ING4: variants seen among roughly 807,000 people sequenced by gnomAD.
The protein encoded by ING4 is inhibitor of growth protein 4.
In ING4, 28 loss-of-function variants were observed where a neutral mutation model predicts 33.1. The ratio of observed to expected loss-of-function variants is 0.85; its 90% CI spans 0.63 to 1.16. The LOEUF (loss-of-function observed/expected upper bound fraction) is 1.16, where lower values mean the gene tolerates loss of function less well. Ranked by LOEUF, ING4 falls within the 50% of genes most tolerant of loss-of-function variation. The pLI, the probability that ING4 is intolerant of heterozygous loss-of-function variation, is 0.00. For synonymous variants in ING4, 87 were observed against 104.4 expected, an observed-to-expected ratio of 0.83 and a Z score of 1.02; for missense variants, 247 against 314.7, an observed-to-expected ratio of 0.78 and a Z score of 1.63.
intron 1 of ING4, among the ~76,000 whole-genome samples, chr12:6,658,259 C>T (rs1489569161): frequency 6.6e-6 from 1 of 151,986 alleles, no homozygotes; most frequent in Non-Finnish European, 1.5e-5. Flanking sequence ...TAAGACGGGC[C>T]CCTTTCTTTT....
intron 1 of ING4, among the ~76,000 whole-genome samples, chr12:6,658,945 T>C (rs1167163533): frequency 1.3e-5 from 2 of 152,184 alleles, no homozygotes; most frequent in African/African-American, 4.8e-5. Context: ...TTCTCTCTAG[T>C]TGGAATGCAC....
chr12:6,660,917 C>A (rs769985900), intron 1 of ING4, among the ~76,000 whole-genome samples: 35 of 151,638 alleles, frequency 2.3e-4, no homozygotes, highest in Non-Finnish European at 4.1e-4. Context: ...CTCAGCCTCC[C>A]AAGTAGCTGG....
At position 6,654,331 on chromosome 12, in the gene ING4, CTTT is replaced by C. The variant is rs1238643921; in HGVS notation, c.110-938_110-936del. On this transcript the variant is annotated intron_variant, in intron 2 of 7. Transcript: ENST00000341550. ...TTATCTTACTGCTCACTCTATTTTT[CTTT>C]TTTTTTTTTTTTGAGACAGGGTCTC... 1.7e-4 allele frequency among the ~76,000 whole-genome samples: 24 copies of C among 138,954 alleles called. No individual in the cohort carries two copies. The South Asian group carries it at 2.5e-3, about 15-fold the overall frequency. The allele number at this position is 138,954 out of a possible 152,430, so 91.2% of individuals were successfully genotyped here.
chr12:6,653,632 T>A (rs554970073), intron 2 of ING4, among the ~76,000 whole-genome samples: 1 of 152,340 alleles, frequency 6.6e-6, no homozygotes, highest in African/African-American at 2.4e-5. Context: ...GAATTTAAAT[T>A]ACTGAAACAC....
At chr12:6,658,977 T>C (rs1438396201) in intron 1 of ING4, among the ~76,000 whole-genome samples, 1 of 152,194 alleles carries the variant, frequency 6.6e-6, no homozygotes, top group Non-Finnish European at 1.5e-5. Flanking sequence ...CCTCATCCCA[T>C]CCACCCCATC....
At chr12:6,655,776 A>G (rs757576765) in intron 2 of ING4, 1 of 456,868 alleles carries the variant, frequency 2.2e-6, no homozygotes, top group Non-Finnish European at 4.3e-6. Flanking sequence ...ACATGGCTAC[A>G]TAGAATGAAG....
intron 1 of ING4, 68 bp downstream of exon 1, chr12:6,662,997 C>CA: frequency 6.6e-7 from 1 of 1,524,734 alleles, no homozygotes. Flanking sequence ...TTAAGGGCTA[C>CA]AGATCCTCTC....
At chr12:6,656,118 A>C (rs1336995046) in intron 2 of ING4, among the ~76,000 whole-genome samples, 1 of 152,162 alleles carries the variant, frequency 6.6e-6, no homozygotes, top group Non-Finnish European at 1.5e-5. Context: ...CATCCTATAA[A>C]TATATCAAAC....
At chr12:6,659,362 C>A (rs1949473661) in intron 1 of ING4, among the ~76,000 whole-genome samples, 2 of 151,910 alleles carry the variant, frequency 1.3e-5, no homozygotes. Context: ...TCAAGACCAG[C>A]CTGGCCAACA....
chr12:6,655,445 G>C (rs553650271), intron 2 of ING4, among the ~76,000 whole-genome samples: 1 of 152,362 alleles, frequency 6.6e-6, no homozygotes, highest in African/African-American at 2.4e-5. Flanking sequence ...AGTAGTAAGA[G>C]ACAAGTCTGA....
Position 6,651,001 on chromosome 12 carries a change from T to C in ING4, c.*194A>G, listed in dbSNP as rs1949161802. On this transcript the variant is annotated 3_prime_UTR_variant, in exon 8 of 8. Transcript: ENST00000341550. ...GCTGAAGGAGAGCACATACCGTTAG[T>C]GGCTGCGGCACCCCTCCCTACCAGG... 3.1e-6 allele frequency: 2 copies of C among 643,342 alleles called. No homozygotes were observed. The highest frequency in any genetic ancestry group is 1.8e-5 in the South Asian group (1 of 54,088). 39.9% of individuals were successfully genotyped at this position (643,342 alleles called of 1,614,324 possible). A position where few individuals can be genotyped will look rare whatever the true frequency, so the allele number is the denominator to read the frequency against.
Position 6,656,764 on chromosome 12 carries a change from G to A in ING4, c.72C>T (p.Asn24=), listed in dbSNP as rs775864383. ...IENLPFELQR[N]FQLMRDLDQR... ...GGTCTAGGTCCCTCATGAGCTGAAAGTTTCTCTGTAATTCAAAGGGAAGGT... is the reference window on the plus strand; with the variant it reads ...GGTCTAGGTCCCTCATGAGCTGAAAATTTCTCTGTAATTCAAAGGGAAGGT... The change falls in exon 2 of 8, where the codon AAC becomes AAT. Residue 24 remains asparagine (N), a synonymous_variant. Transcript: ENST00000341550. The A allele has an allele frequency of 6.3e-7, 1 of 1,576,354 alleles. No individual in the cohort carries two copies. Among genetic ancestry groups the A allele is most frequent in the Non-Finnish European group, 8.6e-7 (1 of 1,166,284 alleles).
chr12:6,658,813 T>TA (rs1169943835), intron 1 of ING4, among the ~76,000 whole-genome samples: 1 of 152,202 alleles, frequency 6.6e-6, no homozygotes, highest in African/African-American at 2.4e-5. Flanking sequence ...GGCCCTTGCT[T>TA]ACCTCACACC....
chr12:6,651,077 G>A lies in ING4; in HGVS notation c.*118C>T. 5 of 1,132,538 alleles carry A rather than the reference G, an allele frequency of 4.4e-6. No homozygotes were observed. Among genetic ancestry groups the A allele is most frequent in the Non-Finnish European group, 5.3e-6 (4 of 760,104 alleles). 70.2% of individuals were successfully genotyped at this position (1,132,538 alleles called of 1,614,324 possible). A position where few individuals can be genotyped will look rare whatever the true frequency, so the allele number is the denominator to read the frequency against. On this transcript the variant is annotated 3_prime_UTR_variant, in exon 8 of 8. Coordinates refer to ENST00000341550, the MANE Select transcript of ING4 (RefSeq NM_016162.4). The stretch of plus-strand genomic sequence containing the variant: ...GTGGGGAGAGGGGAGGAGAAGGGAT[G>A]ACAGCACTGTGCCATCCACTCCTCC...
intron 2 of ING4, among the ~76,000 whole-genome samples, chr12:6,655,186 G>A (rs543816447): frequency 6.6e-6 from 1 of 152,238 alleles, no homozygotes; most frequent in African/African-American, 2.4e-5. Context: ...TGGGATTACT[G>A]GCATGCGCCA....
intron 3 of ING4, 46 bp from the exon 4 acceptor site, chr12:6,653,096 A>T (rs368139819): frequency 2.7e-5 from 44 of 1,600,308 alleles, no homozygotes; most frequent in Non-Finnish European, 3.4e-5. Flanking sequence ...ACTATCTCCA[A>T]TTAAAGAAAA....
At chr12:6,652,229 T>G in intron 6 of ING4, 42 bp downstream of exon 6, 1 of 1,601,524 alleles carries the variant, frequency 6.2e-7, no homozygotes, top group Middle Eastern at 1.7e-4. Context: ...ACTCCCTTCA[T>G]GCCCCTCACA....
rs1949223931 is a variant in ING4, at chr12:6,652,717, T to A, written c.442A>T (p.Asn148Tyr). Residue 148 changes from asparagine (N) to tyrosine (Y), a missense_variant, in exon 5 of 8, where the codon AAC becomes TAC. Coordinates refer to ENST00000341550, the MANE Select transcript of ING4 (RefSeq NM_016162.4). ...KAARARSKGK[N>Y]SDEEAPKTAQ... is the part of the protein sequence containing the mutation. ...GTCTTGGGGGCTTCTTCATCCGAGTTTTTCCCTTTGGAACGAGCACGAGCA... is the reference window on the plus strand; with the variant it reads ...GTCTTGGGGGCTTCTTCATCCGAGTATTTCCCTTTGGAACGAGCACGAGCA... The A allele has an allele frequency of 6.2e-7, 1 of 1,613,896 alleles. No homozygotes were observed. Among genetic ancestry groups the A allele is most frequent in the African/African-American group, 1.3e-5 (1 of 74,868 alleles).
At chr12:6,652,503 T>C (rs1034748083) in intron 5 of ING4, 85 bp from the exon 6 acceptor site, 25 of 1,476,222 alleles carry the variant, frequency 1.7e-5, no homozygotes, top group Middle Eastern at 1.8e-4. Flanking sequence ...GAGATCCTGG[T>C]AGGGCAAATG....
Sources: gnomAD v4.1 joint callset for allele counts (sites outside exome capture counted in the v4.1 genomes callset) on GRCh38, gnomAD v4.1.1 for gene constraint, MANE v1.5 for transcripts, NCBI Gene and HGNC (gene_info 2026-07-23, HGNC 2026-07-21) for gene names.